Variants in DLG2 observed in about 807,000 individuals in gnomAD.
DLG2 encodes discs large MAGUK scaffold protein 2, also known as disks large homolog 2.
DLG2 carries 45 observed loss-of-function variants against 132.5 expected under a neutral mutation model. That is an observed-to-expected ratio of 0.34 (90% CI 0.27 to 0.44). The LOEUF (loss-of-function observed/expected upper bound fraction) is 0.44, where lower values mean the gene tolerates loss of function less well. DLG2 is among the 20% of genes least tolerant of loss of function. The probability of loss-of-function intolerance (pLI) is 1.00; values close to 1 mark genes in which losing one functional copy is unlikely to be tolerated. For synonymous variants in DLG2, 424 were observed against 419.6 expected (o/e 1.01, Z -0.13); for missense variants, 1,045 against 1,196.9 (o/e 0.87, Z 1.87).
intron 7 of DLG2, among the ~76,000 whole-genome samples, chr11:84,270,927 T>C (rs1481455657): frequency 6.6e-6 from 1 of 152,228 alleles, no homozygotes; most frequent in Non-Finnish European, 1.5e-5. Flanking sequence ...ATAGGATATG[T>C]ATACTTCAGG....
At chr11:85,498,795 C>A (rs886967073) in intron 3 of DLG2, among the ~76,000 whole-genome samples, 6 of 151,206 alleles carry the variant, frequency 4.0e-5, no homozygotes, top group Non-Finnish European at 5.9e-5. Context: ...TAAACTGGCT[C>A]AAATCTGCAC....
At chr11:84,329,471 T>C (rs1214525940) in intron 7 of DLG2, among the ~76,000 whole-genome samples, 2 of 151,876 alleles carry the variant, frequency 1.3e-5, no homozygotes. Context: ...TATAAAGGAG[T>C]TTCCCACTTT....
chr11:84,305,129 A>G (rs1268974870), intron 7 of DLG2, among the ~76,000 whole-genome samples: 1 of 152,226 alleles, frequency 6.6e-6, no homozygotes, highest in Non-Finnish European at 1.5e-5. Flanking sequence ...CATTGAACAC[A>G]TAGTTCCTGT....
intron 11 of DLG2, among the ~76,000 whole-genome samples, chr11:84,037,862 T>A (rs946571636): frequency 2.6e-5 from 4 of 152,124 alleles, no homozygotes; most frequent in Non-Finnish European, 5.9e-5. Context: ...GTACATAGTA[T>A]TTTTATTTGT....
At chr11:84,717,086 C>T (rs1388208529) in intron 6 of DLG2, among the ~76,000 whole-genome samples, 1 of 152,056 alleles carries the variant, frequency 6.6e-6, no homozygotes, top group African/African-American at 2.4e-5. Context: ...GCTCAAATTA[C>T]TCAGCATCCT....
intron 6 of DLG2, among the ~76,000 whole-genome samples, chr11:85,063,922 T>C (rs180973356): frequency 6.6e-6 from 1 of 151,958 alleles, no homozygotes; most frequent in Admixed American, 6.6e-5. Flanking sequence ...AAGGCGATAT[T>C]AGACTAAATA....
At chr11:84,263,955 G>C (rs2097579374) in intron 7 of DLG2, among the ~76,000 whole-genome samples, 1 of 151,998 alleles carries the variant, frequency 6.6e-6, no homozygotes, top group Admixed American at 6.6e-5. Context: ...AGACGAACAG[G>C]GTACAGGATA....
intron 6 of DLG2, among the ~76,000 whole-genome samples, chr11:84,725,328 C>A (rs1161142107): frequency 6.6e-6 from 1 of 152,110 alleles, no homozygotes; most frequent in Non-Finnish European, 1.5e-5. Context: ...AACACATGAA[C>A]TTTGGAGACA....
chr11:83,921,069 T>C (rs1180088057), intron 15 of DLG2, among the ~76,000 whole-genome samples: 2 of 152,170 alleles, frequency 1.3e-5, no homozygotes, highest in Non-Finnish European at 2.9e-5. Flanking sequence ...GTTCAAATTC[T>C]ACCTTAGAAA....
In DLG2 at chr11:85,414,701, G is replaced by C. The variant is rs568730229; in HGVS notation, c.41-129336C>G. On this transcript the variant is annotated intron_variant, in intron 3 of 27. Coordinates refer to ENST00000376104, the MANE Select transcript of DLG2 (RefSeq NM_001142699.3). ...CTATTGCTGTAAGTGGAGTATTGAAGTCCCCCACTATTACTGTGCTGATGT... is the reference window on the plus strand; with the variant it reads ...CTATTGCTGTAAGTGGAGTATTGAACTCCCCCACTATTACTGTGCTGATGT... Among the ~76,000 whole-genome samples the C allele has an allele frequency of 2.0e-5, 3 of 152,030 alleles. No individual in the cohort carries two copies. The East Asian group carries it at 5.8e-4, about 29-fold the overall frequency.
chr11:83,654,508 T>C (rs2071698246), intron 18 of DLG2, among the ~76,000 whole-genome samples: 1 of 152,210 alleles, frequency 6.6e-6, no homozygotes, highest in African/African-American at 2.4e-5. Context: ...ACAATTACCA[T>C]TTTCTCTTCC....
chr11:85,606,725 T>C (rs1243087011), intron 2 of DLG2, among the ~76,000 whole-genome samples: 2 of 152,058 alleles, frequency 1.3e-5, no homozygotes, highest in Admixed American at 6.6e-5. Flanking sequence ...GCTATAACAC[T>C]CACTGCGAAG....
At chr11:84,698,286 C>T (rs1037840483) in intron 6 of DLG2, among the ~76,000 whole-genome samples, 1 of 151,522 alleles carries the variant, frequency 6.6e-6, no homozygotes, top group Admixed American at 6.6e-5. Flanking sequence ...ATCTCACTTT[C>T]TCTGTTTCTG....
chr11:83,698,519 A>G (rs1400616312), intron 18 of DLG2, among the ~76,000 whole-genome samples: 1 of 152,202 alleles, frequency 6.6e-6, no homozygotes, highest in African/African-American at 2.4e-5. Context: ...TTGATGATAA[A>G]ATATAGAGAA....
At chr11:84,293,508 T>C (rs1172816366) in intron 7 of DLG2, among the ~76,000 whole-genome samples, 1 of 152,040 alleles carries the variant, frequency 6.6e-6, no homozygotes, top group Non-Finnish European at 1.5e-5. Context: ...ACCCCATCTC[T>C]ACTAAAAATA....
intron 6 of DLG2, among the ~76,000 whole-genome samples, chr11:84,841,010 A>T (rs1370503717): frequency 6.7e-6 from 1 of 148,906 alleles, no homozygotes; most frequent in Non-Finnish European, 1.5e-5. Context: ...AAAAATAGTA[A>T]AAAAAAAAAT....
At chr11:84,536,221 T>C (rs2099355289) in intron 6 of DLG2, among the ~76,000 whole-genome samples, 1 of 152,168 alleles carries the variant, frequency 6.6e-6, no homozygotes, top group African/African-American at 2.4e-5. Flanking sequence ...TTCTTGGCCA[T>C]TTTACCTATG....
chr11:85,116,023 C>T (rs2073520553), intron 5 of DLG2, among the ~76,000 whole-genome samples: 1 of 151,886 alleles, frequency 6.6e-6, no homozygotes, highest in Non-Finnish European at 1.5e-5. Context: ...ACAAGCATTT[C>T]AGCTGTCTTA....
intron 15 of DLG2, among the ~76,000 whole-genome samples, chr11:83,923,899 C>G (rs150591366): frequency 1.8e-4 from 28 of 152,174 alleles, no homozygotes; most frequent in Non-Finnish European, 3.5e-4. Flanking sequence ...CTCCCCACTG[C>G]CTATAGGATA....
Sources: gnomAD v4.1 joint callset for allele counts (sites outside exome capture counted in the v4.1 genomes callset) on GRCh38, gnomAD v4.1.1 for gene constraint, MANE v1.5 for transcripts, NCBI Gene and HGNC (gene_info 2026-07-23, HGNC 2026-07-21) for gene names.